The following CPA5 variants were observed in gnomAD, a reference collection of about 807,000 sequenced individuals.
The protein encoded by CPA5 is carboxypeptidase A5.
CPA5 carries 38 observed loss-of-function variants against 52.2 expected under a neutral mutation model. The ratio of observed to expected loss-of-function variants is 0.73; its 90% CI spans 0.56 to 0.95. The LOEUF is 0.95. Among genes scored for constraint, CPA5 ranks in the 40% least tolerant of loss-of-function variants. The pLI is 0.00. For synonymous variants in CPA5, 198 were observed against 213.7 expected, an observed-to-expected ratio of 0.93 and a Z score of 0.64; for missense variants, 519 against 566.7, an observed-to-expected ratio of 0.92 and a Z score of 0.86.
At chr7:130,350,137 G>A in intron 5 of CPA5, 28 bp downstream of exon 5, 1 of 1,593,520 alleles carries the variant, frequency 6.3e-7, no homozygotes, top group Non-Finnish European at 8.5e-7. Flanking sequence ...CTGGGACCCT[G>A]CCTTCCGCCT....
At chr7:130,351,259 A>C (rs1261875480) in intron 5 of CPA5, among the ~76,000 whole-genome samples, 4 of 152,260 alleles carry the variant, frequency 2.6e-5, no homozygotes, top group African/African-American at 9.6e-5. Flanking sequence ...CTACCACATC[A>C]AAAGAAATAG....
the CPA5 span, among the ~76,000 whole-genome samples, chr7:130,373,769 G>GAT: frequency 6.6e-6 from 1 of 152,248 alleles, no homozygotes; most frequent in Non-Finnish European, 1.5e-5. Flanking sequence ...GCGAACATGG[G>GAT]GCCTGTCGGA....
chr7:130,347,259 A>G (rs4731681), intron 3 of CPA5, among the ~76,000 whole-genome samples: 26,059 of 152,178 alleles, frequency 0.17, 2,534 homozygotes, highest in African/African-American at 0.26. Context: ...ATCGGGAAGG[A>G]AAGGAGCTCA....
chr7:130,349,425 CA>C (rs1195528153), intron 4 of CPA5, among the ~76,000 whole-genome samples: 34 of 147,574 alleles, frequency 2.3e-4, no homozygotes, highest in African/African-American at 3.0e-4. Flanking sequence ...AACTCCATCT[CA>C]AAAAAAAAAT....
chr7:130,373,015 C>G (rs906838445), downstream of CPA5, among the ~76,000 whole-genome samples: 1 of 152,168 alleles, frequency 6.6e-6, no homozygotes. Context: ...TGGGAGAAGA[C>G]TAAGGCCAGG....
rs1182391064 is a variant in CPA5, at chr7:130,363,560, A to G, written c.838+51A>G. On this transcript the variant is annotated intron_variant, in intron 10 of 12. Coordinates refer to ENST00000474905, the MANE Select transcript of CPA5 (RefSeq NM_080385.5). Reference sequence around the variant, plus strand: ...AGGGTTGGAGAAGAGGTGTTGGCCCATGGCAGGTTCTCCCACTCAGTCAGA... The same window carrying G: ...AGGGTTGGAGAAGAGGTGTTGGCCCGTGGCAGGTTCTCCCACTCAGTCAGA... The G allele has an allele frequency of 2.1e-6, 3 of 1,448,264 alleles. No homozygotes were observed. The African/African-American group carries it at 4.2e-5, about 20-fold the overall frequency. The allele number at this position is 1,448,264 out of a possible 1,614,324, so 89.7% of individuals were successfully genotyped here.
intron 12 of CPA5, 113 bp from the exon 13 acceptor site, chr7:130,368,297 G>A: frequency 9.9e-7 from 1 of 1,009,244 alleles, no homozygotes; most frequent in Non-Finnish European, 1.5e-6. Context: ...GTGGCCTGGG[G>A]TGGGTGGGGG....
chr7:130,354,196 G>A (rs1554404692), intron 5 of CPA5, among the ~76,000 whole-genome samples: 1 of 152,100 alleles, frequency 6.6e-6, no homozygotes, highest in East Asian at 1.9e-4. Flanking sequence ...CCAAAGTGCT[G>A]AAATTACAGG....
chr7:130,359,888 T>G (rs1795697501), intron 6 of CPA5, among the ~76,000 whole-genome samples: 1 of 152,170 alleles, frequency 6.6e-6, no homozygotes, highest in African/African-American at 2.4e-5. Flanking sequence ...AGAATTCAGA[T>G]AGAGGGGACA....
Position 130,361,223 on chromosome 7 carries a change from C to A in CPA5, c.513C>A (p.Asn171Lys), listed in dbSNP as rs202207650. The change falls in exon 7 of 13, where the codon AAC becomes AAA. Residue 171 changes from asparagine (N) to lysine (K), a missense_variant. Transcript: ENST00000474905. ...TTCAGATTGGCAACAGCTTTGAAAA[C>A]CAGTCCATTCTTGTCCTGAAGGTAA... ...SKIQIGNSFE[N>K]QSILVLKFST... The A allele has an allele frequency of 7.4e-6, 12 of 1,613,058 alleles. No homozygotes were observed. Among genetic ancestry groups the A allele is most frequent in the Non-Finnish European group, 9.3e-6 (11 of 1,179,006 alleles).
intron 5 of CPA5, among the ~76,000 whole-genome samples, chr7:130,353,183 C>G (rs59875249): frequency 1.3e-5 from 2 of 151,552 alleles, no homozygotes; most frequent in African/African-American, 2.4e-5. Flanking sequence ...TTTTATGCTT[C>G]CCCATAGACT....
At chr7:130,351,949 C>T (rs782640948) in intron 5 of CPA5, among the ~76,000 whole-genome samples, 2 of 152,108 alleles carry the variant, frequency 1.3e-5, no homozygotes, top group Non-Finnish European at 2.9e-5. Context: ...GTTCCTCTGG[C>T]CCCCTCCCCT....
rs1562962641 is a variant in CPA5, at chr7:130,367,979, G to T, written c.1112G>T (p.Ser371Ile). 6.2e-7 allele frequency: 1 copy of T among 1,614,162 alleles called. No individual in the cohort carries two copies. The highest frequency in any genetic ancestry group is 2.2e-5 in the East Asian group (1 of 44,886). ...HGIEYIFGSISTTLYVASGIT... is the reference protein window; with the variant it reads ...HGIEYIFGSIITTLYVASGIT... ...ATCGAGTACATTTTTGGCAGCATCA[G>T]CACCACCCTCTGTGAGTGAGCCTCC... Residue 371 changes from serine (S) to isoleucine (I), a missense_variant, in exon 12 of 13, where the codon AGC becomes ATC. Physicochemically the swap from Ser to Ile is moderately radical, Grantham distance 142 (BLOSUM62 -2). Coordinates refer to ENST00000474905, the MANE Select transcript of CPA5 (RefSeq NM_080385.5).
chr7:130,368,878 G>A (rs1488525720), downstream of CPA5: 10 of 451,546 alleles, frequency 2.2e-5, no homozygotes, highest in Non-Finnish European at 2.7e-5. Context: ...AGGGGGTAGA[G>A]GCTGTAGCTT....
intron 4 of CPA5, 29 bp from the exon 5 acceptor site, chr7:130,349,946 C>T: frequency 2.5e-6 from 4 of 1,603,292 alleles, no homozygotes; most frequent in Non-Finnish European, 3.4e-6. Context: ...TGGAGTAATG[C>T]AGCTCTCTCT....
intron 10 of CPA5, among the ~76,000 whole-genome samples, chr7:130,364,794 C>T (rs1424695030): frequency 6.6e-6 from 1 of 152,226 alleles, no homozygotes; most frequent in Admixed American, 6.5e-5. Context: ...CCCTGATTAT[C>T]TCCCTAACCA....
intron 10 of CPA5, among the ~76,000 whole-genome samples, chr7:130,365,908 T>C (rs1256595970): frequency 6.6e-6 from 1 of 152,218 alleles, no homozygotes; most frequent in Non-Finnish European, 1.5e-5. Flanking sequence ...TTAGATGGGC[T>C]GATTCCAGCC....
downstream of CPA5, among the ~76,000 whole-genome samples, chr7:130,371,693 G>A (rs964378073): frequency 6.6e-6 from 1 of 152,116 alleles, no homozygotes; most frequent in Non-Finnish European, 1.5e-5. Flanking sequence ...GAGTAGCTGG[G>A]ATTACAGGCA....
Position 130,359,601 on chromosome 7 carries a change from G to A in CPA5, c.346G>A (p.Glu116Lys). ...MIKDIQVLLD[E>K]ERQAMAKSRR... ...CCCCATCACCCAGGTGCTGCTGGAT[G>A]AGGAAAGACAGGCCATGGCGAAATC... Residue 116 changes from glutamate (E) to lysine (K), a missense_variant, in exon 6 of 13, where the codon GAG becomes AAG. Coordinates refer to ENST00000474905, the MANE Select transcript of CPA5 (RefSeq NM_080385.5). 1 of 1,565,764 alleles carries A rather than the reference G, an allele frequency of 6.4e-7. No homozygotes were observed. Among genetic ancestry groups the A allele is most frequent in the South Asian group, 1.2e-5 (1 of 84,908 alleles).
Sources: allele counts gnomAD v4.1 joint callset (sites outside exome capture counted in the v4.1 genomes callset), GRCh38; gene constraint gnomAD v4.1.1; transcripts MANE v1.5; gene names NCBI Gene and HGNC (gene_info 2026-07-23, HGNC 2026-07-21).